CLIC4: variants seen among roughly 807,000 people sequenced by gnomAD.
CLIC4 encodes chloride intracellular channel protein 4.
In CLIC4, 13 loss-of-function variants were observed where a neutral mutation model predicts 24.6. That is an observed-to-expected ratio of 0.53 (90% confidence interval 0.34 to 0.84). CLIC4 has a LOEUF of 0.84. Among genes scored for constraint, CLIC4 ranks in the 40% least tolerant of loss-of-function variants. The pLI is 0.01. For synonymous variants in CLIC4, 104 were observed against 111.3 expected, an observed-to-expected ratio of 0.93 and a Z score of 0.41; for missense variants, 227 against 301.7, an observed-to-expected ratio of 0.75 and a Z score of 1.83.
At chr1:24,790,016 C>A (rs934896393) in intron 1 of CLIC4, among the ~76,000 whole-genome samples, 6 of 152,134 alleles carry the variant, frequency 3.9e-5, no homozygotes, top group Admixed American at 1.3e-4. Flanking sequence ...TTTGTTATAA[C>A]CAGGTAGAGA....
intron 1 of CLIC4, among the ~76,000 whole-genome samples, chr1:24,791,608 G>C (rs1297271081): frequency 6.6e-6 from 1 of 152,070 alleles, no homozygotes; most frequent in Non-Finnish European, 1.5e-5. Context: ...GGGCGGCGTG[G>C]CTCATGCCTG....
chr1:24,773,157 TGGAA>T (rs1639092914), intron 1 of CLIC4, among the ~76,000 whole-genome samples: 1 of 152,194 alleles, frequency 6.6e-6, no homozygotes, highest in African/African-American at 2.4e-5. Flanking sequence ...ACACTTCACC[TGGAA>T]TGTAATCTCT....
intron 3 of CLIC4, among the ~76,000 whole-genome samples, chr1:24,824,456 C>CA (rs1322659519): frequency 6.6e-6 from 1 of 151,972 alleles, no homozygotes; most frequent in African/African-American, 2.4e-5. Context: ...TTAGTGGAGA[C>CA]AGAGTTTTGC....
At chr1:24,763,533 CAAAAAAAA>C (rs33955013) in intron 1 of CLIC4, among the ~76,000 whole-genome samples, 1 of 78,952 alleles carries the variant, frequency 1.3e-5, no homozygotes, top group Admixed American at 1.6e-4. Context: ...ACTCCGTCTC[CAAAAAAAA>C]AAAAAAAAAA....
chr1:24,826,483 C>T (rs879341006), intron 3 of CLIC4, among the ~76,000 whole-genome samples: 2 of 152,176 alleles, frequency 1.3e-5, no homozygotes, highest in Admixed American at 1.3e-4. Flanking sequence ...TGAGAAGGCG[C>T]GTGAGCTGTG....
intron 1 of CLIC4, among the ~76,000 whole-genome samples, chr1:24,781,937 A>C (rs1478517507): frequency 6.6e-6 from 1 of 152,218 alleles, no homozygotes; most frequent in East Asian, 1.9e-4. Context: ...GGCGTGAGCC[A>C]CTGCGCCGGG....
intron 1 of CLIC4, among the ~76,000 whole-genome samples, chr1:24,789,480 T>G (rs1639308905): frequency 6.6e-6 from 1 of 152,216 alleles, no homozygotes; most frequent in Non-Finnish European, 1.5e-5. Context: ...ATCGCGCCAT[T>G]GCATTCCAGC....
intron 1 of CLIC4, among the ~76,000 whole-genome samples, chr1:24,780,717 A>T (rs1240024320): frequency 6.6e-6 from 1 of 152,232 alleles, no homozygotes; most frequent in East Asian, 1.9e-4. Context: ...CCCCAGATTT[A>T]CTGAATCGGA....
chr1:24,756,638 G>A (rs983313881), intron 1 of CLIC4, among the ~76,000 whole-genome samples: 3 of 152,128 alleles, frequency 2.0e-5, no homozygotes, highest in African/African-American at 7.2e-5. Context: ...CTATTTATTT[G>A]TGTATGTGGG....
At chr1:24,788,868 G>C (rs1488782250) in intron 1 of CLIC4, among the ~76,000 whole-genome samples, 1 of 152,138 alleles carries the variant, frequency 6.6e-6, no homozygotes, top group Non-Finnish European at 1.5e-5. Context: ...TGAGAACCAG[G>C]GAAGGGGCAG....
At chr1:24,759,837 C>G (rs1359188092) in intron 1 of CLIC4, among the ~76,000 whole-genome samples, 3 of 151,926 alleles carry the variant, frequency 2.0e-5, no homozygotes, top group Non-Finnish European at 2.9e-5. Flanking sequence ...GCCTGTATTC[C>G]CAGTTGCTTG....
At chr1:24,774,462 AT>A (rs1639107508) in intron 1 of CLIC4, among the ~76,000 whole-genome samples, 1 of 152,070 alleles carries the variant, frequency 6.6e-6, no homozygotes, top group South Asian at 2.1e-4. Flanking sequence ...TTTTGAGTTG[AT>A]TTTTATTGTT....
intron 2 of CLIC4, among the ~76,000 whole-genome samples, chr1:24,802,522 T>A (rs1334775868): frequency 3.3e-5 from 5 of 152,110 alleles, no homozygotes; most frequent in African/African-American, 1.2e-4. Flanking sequence ...TTATATTTTT[T>A]GGTCTTTAAC....
At chr1:24,789,492 T>G (rs1639309093) in intron 1 of CLIC4, among the ~76,000 whole-genome samples, 1 of 152,212 alleles carries the variant, frequency 6.6e-6, no homozygotes, top group South Asian at 2.1e-4. Flanking sequence ...CATTCCAGCC[T>G]GAGTGACAGA....
chr1:24,809,173 A>G (rs1639587520), intron 2 of CLIC4, among the ~76,000 whole-genome samples: 2 of 152,194 alleles, frequency 1.3e-5, no homozygotes, highest in African/African-American at 4.8e-5. Context: ...AGGTTCTTAC[A>G]GAAGTTGATA....
In CLIC4 at chr1:24,815,502, C is replaced by A. The variant is rs547286450; in HGVS notation, c.308+1283C>A. ...GGGTGACAAAAGCAAAACTCCGTCT[C>A]AAAAAAAAATCATTGCTAAAAAATG... is the stretch of plus-strand genomic sequence containing the variant. On this transcript the variant is annotated intron_variant, in intron 3 of 5. Coordinates refer to ENST00000374379, the MANE Select transcript of CLIC4 (RefSeq NM_013943.3). 1.6e-3 allele frequency among the ~76,000 whole-genome samples: 242 copies of A among 151,124 alleles called. 1 individual carries two copies. The highest frequency in any genetic ancestry group is 5.5e-3 in the African/African-American group (228 of 41,208).
chr1:24,823,079 T>C (rs1414961087), intron 3 of CLIC4, among the ~76,000 whole-genome samples: 1 of 152,218 alleles, frequency 6.6e-6, no homozygotes, highest in African/African-American at 2.4e-5. Flanking sequence ...GCATTTCTAA[T>C]AACATGTTTT....
chr1:24,826,352 T>C (rs1023415415), intron 3 of CLIC4, among the ~76,000 whole-genome samples: 5 of 152,182 alleles, frequency 3.3e-5, no homozygotes, highest in African/African-American at 1.2e-4. Flanking sequence ...CCTTTTGTTT[T>C]TGTCCTTAAC....
At chr1:24,791,492 G>A (rs1219293485) in intron 1 of CLIC4, among the ~76,000 whole-genome samples, 1 of 152,096 alleles carries the variant, frequency 6.6e-6, no homozygotes, top group East Asian at 1.9e-4. Context: ...GTAATGCCAG[G>A]ACTTTGGGAG....
Sources: allele counts gnomAD v4.1 joint callset (sites outside exome capture counted in the v4.1 genomes callset), GRCh38; gene constraint gnomAD v4.1.1; transcripts MANE v1.5; gene names NCBI Gene and HGNC (gene_info 2026-07-23, HGNC 2026-07-21).